Variants in LEF1 observed in about 807,000 individuals in gnomAD.
LEF1 encodes lymphoid enhancer-binding factor 1.
LEF1 carries 14 observed loss-of-function variants against 51.2 expected under a neutral mutation model. The ratio of observed to expected loss-of-function variants is 0.27; its 90% confidence interval spans 0.18 to 0.43. The LOEUF is 0.43. Among genes scored for constraint, LEF1 ranks in the 20% least tolerant of loss-of-function variants. The pLI, the probability that LEF1 is intolerant of heterozygous loss-of-function variation, is 1.00. For synonymous variants in LEF1, 185 were observed against 183.2 expected, an observed-to-expected ratio of 1.01 and a Z score of -0.08; for missense variants, 386 against 512.0, an observed-to-expected ratio of 0.75 and a Z score of 2.37.
At chr4:108,147,003 G>A (rs891228178) in intron 3 of LEF1, among the ~76,000 whole-genome samples, 1 of 152,082 alleles carries the variant, frequency 6.6e-6, no homozygotes, top group East Asian at 1.9e-4. Flanking sequence ...AGTGGGGTGC[G>A]GTGGCTCATA....
At chr4:108,108,715 C>A (rs546823109) in intron 3 of LEF1, among the ~76,000 whole-genome samples, 1 of 152,218 alleles carries the variant, frequency 6.6e-6, no homozygotes, top group African/African-American at 2.4e-5. Context: ...TTCTCAGTTT[C>A]TTTATTTATA....
At chr4:108,166,126 C>T (rs1745373285) in intron 1 of LEF1, 2 of 707,208 alleles carry the variant, frequency 2.8e-6, no homozygotes, top group Non-Finnish European at 4.2e-6. Context: ...CCTCCTTTTC[C>T]CAGCACACAG....
At chr4:108,158,623 T>C (rs147809591) in intron 3 of LEF1, among the ~76,000 whole-genome samples, 2 of 151,936 alleles carry the variant, frequency 1.3e-5, no homozygotes, top group South Asian at 2.1e-4. Context: ...ATGTCTATGA[T>C]ACATAAATGA....
At chr4:108,125,858 T>G (rs1335216490) in intron 3 of LEF1, among the ~76,000 whole-genome samples, 1 of 152,194 alleles carries the variant, frequency 6.6e-6, no homozygotes, top group Non-Finnish European at 1.5e-5. Context: ...TTATGGATCC[T>G]AAAAAGTAAA....
At chr4:108,072,134 C>T (rs1738513789) in intron 8 of LEF1, 1 of 152,106 alleles carries the variant, frequency 6.6e-6, no homozygotes, top group South Asian at 2.1e-4. Flanking sequence ...CATGGCTGCC[C>T]TGCATATTAA....
At chr4:108,061,841 T>A (rs1737713624) in intron 11 of LEF1, among the ~76,000 whole-genome samples, 2 of 152,206 alleles carry the variant, frequency 1.3e-5, no homozygotes, top group African/African-American at 4.8e-5. Context: ...TTTGATCTTA[T>A]ATGAAGGGAT....
intron 3 of LEF1, among the ~76,000 whole-genome samples, chr4:108,099,481 C>A (rs975000150): frequency 6.8e-6 from 1 of 147,082 alleles, no homozygotes; most frequent in African/African-American, 2.5e-5. Context: ...TACTGAGAGT[C>A]AAGTCTATAC....
At chr4:108,100,850 T>C (rs1348897191) in intron 3 of LEF1, among the ~76,000 whole-genome samples, 1 of 152,220 alleles carries the variant, frequency 6.6e-6, no homozygotes, top group Non-Finnish European at 1.5e-5. Context: ...AATTACTAGG[T>C]GAAAAACTCT....
intron 11 of LEF1, among the ~76,000 whole-genome samples, chr4:108,050,482 C>T (rs749113865): frequency 1.5e-4 from 23 of 152,024 alleles, no homozygotes; most frequent in African/African-American, 3.1e-4. Flanking sequence ...GGATCTTGCA[C>T]GCAGGAGGAT....
chr4:108,065,339 G>T (rs1737992993), intron 9 of LEF1, among the ~76,000 whole-genome samples: 3 of 152,168 alleles, frequency 2.0e-5, no homozygotes, highest in Admixed American at 6.5e-5. Flanking sequence ...ACAAAAATTA[G>T]CCAGGCGTGG....
At chr4:108,140,234 C>G (rs1021494074) in intron 3 of LEF1, among the ~76,000 whole-genome samples, 2 of 152,068 alleles carry the variant, frequency 1.3e-5, no homozygotes, top group Admixed American at 6.5e-5. Context: ...TTCATTGAAG[C>G]CAACGCTCCA....
intron 3 of LEF1, among the ~76,000 whole-genome samples, chr4:108,097,525 G>A (rs1054106077): frequency 3.9e-5 from 6 of 152,156 alleles, no homozygotes; most frequent in Non-Finnish European, 1.5e-5. Flanking sequence ...GCACAACAGC[G>A]TGACTATAGT....
chr4:108,069,559 C>T (rs1738315453), intron 9 of LEF1, among the ~76,000 whole-genome samples: 2 of 152,086 alleles, frequency 1.3e-5, no homozygotes, highest in African/African-American at 2.4e-5. Flanking sequence ...GATTTTTTTA[C>T]CCAGTTTTAA....
intron 1 of LEF1, among the ~76,000 whole-genome samples, chr4:108,165,817 T>G (rs1202299301): frequency 6.6e-6 from 1 of 152,156 alleles, no homozygotes; most frequent in East Asian, 1.9e-4. Flanking sequence ...ATATCAGTTT[T>G]GGTAATCACC....
At chr4:108,074,573 T>A (rs116782553) in intron 8 of LEF1, among the ~76,000 whole-genome samples, 2,231 of 152,314 alleles carry the variant, frequency 0.015, 21 homozygotes, top group African/African-American at 0.026. Context: ...AAGATCCACT[T>A]TTAAGAACTC....
intron 3 of LEF1, among the ~76,000 whole-genome samples, chr4:108,099,561 T>G (rs1740628518): frequency 1.2e-5 from 1 of 83,328 alleles, no homozygotes; most frequent in African/African-American, 4.8e-5. Flanking sequence ...TGTGTATGTG[T>G]GTGTGTGTGT....
At chr4:108,092,917 T>TAAAAAA (rs71592104) in intron 3 of LEF1, among the ~76,000 whole-genome samples, 27 of 31,124 alleles carry the variant, frequency 8.7e-4, no homozygotes, top group African/African-American at 1.4e-3. Flanking sequence ...AATGAATATG[T>TAAAAAA]AAAAAAAAAA....
chr4:108,154,739 G>A (rs748832311), intron 3 of LEF1, among the ~76,000 whole-genome samples: 1 of 151,952 alleles, frequency 6.6e-6, no homozygotes, highest in Admixed American at 6.6e-5. Context: ...CCTCGATCCA[G>A]GTCATTTTAA....
chr4:108,080,287 C>A (rs931838823), intron 6 of LEF1, among the ~76,000 whole-genome samples: 54 of 152,254 alleles, frequency 3.5e-4, no homozygotes, highest in African/African-American at 1.1e-3. Context: ...CCAGCCAACA[C>A]AAAGGAGGGA....
Sources: gnomAD v4.1 joint callset for allele counts (sites outside exome capture counted in the v4.1 genomes callset) on GRCh38, gnomAD v4.1.1 for gene constraint, MANE v1.5 for transcripts, NCBI Gene and HGNC (gene_info 2026-07-23, HGNC 2026-07-21) for gene names.